The following POU6F2 variants were observed in gnomAD, a reference collection of about 807,000 sequenced individuals.
POU6F2 encodes the protein POU class 6 homeobox 2, also known as POU domain, class 6, transcription factor 2.
In POU6F2, 31 loss-of-function variants were observed where a neutral mutation model predicts 71.3. The ratio of observed to expected loss-of-function variants is 0.43; its 90% CI spans 0.33 to 0.59. The LOEUF is 0.59. Ranked by LOEUF, POU6F2 falls within the 20% of genes least tolerant of loss-of-function variation. The probability of loss-of-function intolerance (pLI) is 0.04; values close to 1 mark genes in which losing one functional copy is unlikely to be tolerated. For missense variants in POU6F2, 783 were observed against 856.8 expected (o/e 0.91, Z 1.07); for synonymous variants, 347 against 355.7 (o/e 0.98, Z 0.27).
intron 4 of POU6F2, among the ~76,000 whole-genome samples, chr7:39,229,804 T>A (rs1192374653): frequency 1.3e-5 from 2 of 152,210 alleles, no homozygotes; most frequent in African/African-American, 2.4e-5. Context: ...ATGTGTGTAA[T>A]CCTGGACATT....
At chr7:39,311,128 C>A (rs1464953881) in intron 4 of POU6F2, among the ~76,000 whole-genome samples, 1 of 151,940 alleles carries the variant, frequency 6.6e-6, no homozygotes, top group Non-Finnish European at 1.5e-5. Flanking sequence ...CTCACTCTTT[C>A]AGTCAAAGAA....
At chr7:38,989,695 T>C (rs1371391198) in intron 1 of POU6F2, among the ~76,000 whole-genome samples, 3 of 151,978 alleles carry the variant, frequency 2.0e-5, no homozygotes, top group Non-Finnish European at 4.4e-5. Context: ...TTAATGCATA[T>C]AGAGGTTATA....
At chr7:39,001,797 G>C (rs1024347592) in intron 1 of POU6F2, among the ~76,000 whole-genome samples, 7 of 152,052 alleles carry the variant, frequency 4.6e-5, no homozygotes, top group African/African-American at 1.7e-4. Flanking sequence ...ATGTAATGAT[G>C]ATGGTGATGG....
At chr7:39,444,899 G>A (rs555396238) in intron 7 of POU6F2, among the ~76,000 whole-genome samples, 69 of 152,204 alleles carry the variant, frequency 4.5e-4, no homozygotes, top group African/African-American at 1.5e-3. Flanking sequence ...GGACTTTTCA[G>A]TATCATTAAG....
At chr7:39,164,754 A>G (rs1299978457) in intron 2 of POU6F2, among the ~76,000 whole-genome samples, 1 of 151,900 alleles carries the variant, frequency 6.6e-6, no homozygotes, top group Admixed American at 6.6e-5. Context: ...TGAGAAGGAG[A>G]AGCTAAAGTC....
rs114728608 is a variant in POU6F2, at chr7:39,069,027, G to A, written c.106-16833G>A. 5.5e-3 allele frequency among the ~76,000 whole-genome samples: 831 copies of A among 152,260 alleles called. 2 individuals carry two copies. Among genetic ancestry groups the A allele is most frequent in the African/African-American group, 0.019 (777 of 41,528 alleles). On this transcript the variant is annotated intron_variant, in intron 1 of 9. Coordinates refer to ENST00000518318, the MANE Select transcript of POU6F2 (RefSeq NM_001370959.1). ...GGATCACACATAAAAATTGTGGAGA[G>A]TGGACCAAGCATCTGCCTTCTGTAC...
intron 1 of POU6F2, among the ~76,000 whole-genome samples, chr7:39,053,029 A>G (rs1236795161): frequency 6.6e-6 from 1 of 152,110 alleles, no homozygotes; most frequent in Non-Finnish European, 1.5e-5. Flanking sequence ...CCACAGATCT[A>G]CTGAATTAGA....
chr7:39,333,674 G>A (rs958877056), intron 4 of POU6F2, among the ~76,000 whole-genome samples: 1 of 152,158 alleles, frequency 6.6e-6, no homozygotes, highest in African/African-American at 2.4e-5. Flanking sequence ...GGAGGCAGAG[G>A]TTGCAGTGAG....
chr7:39,098,466 A>G lies in POU6F2; in HGVS notation c.277+12435A>G, dbSNP rs560718546. 1.4e-4 allele frequency among the ~76,000 whole-genome samples: 21 copies of G among 149,998 alleles called. 1 individual carries two copies. Among genetic ancestry groups the G allele is most frequent in the South Asian group, 1.3e-3 (6 of 4,690 alleles). On this transcript the variant is annotated intron_variant, in intron 2 of 9. Coordinates refer to ENST00000518318, the MANE Select transcript of POU6F2 (RefSeq NM_001370959.1). ...TTTTTTTTTTTTTAATTTGCAAGAG[A>G]GGGGGGGTCTCACTTTGTTGCTTAG...
At chr7:39,239,693 A>G (rs547431517) in intron 4 of POU6F2, among the ~76,000 whole-genome samples, 1 of 152,258 alleles carries the variant, frequency 6.6e-6, no homozygotes, top group East Asian at 1.9e-4. Flanking sequence ...TGCCTGTCTC[A>G]TGCAAAGCAC....
intron 1 of POU6F2, chr7:39,085,227 A>G (rs1421284657): frequency 6.6e-6 from 1 of 152,208 alleles, no homozygotes; most frequent in Non-Finnish European, 1.5e-5. Context: ...ATTTGGGGTC[A>G]GCTCCGGTTC....
chr7:39,251,548 T>C (rs752926349), intron 4 of POU6F2, among the ~76,000 whole-genome samples: 120 of 152,232 alleles, frequency 7.9e-4, no homozygotes, highest in Non-Finnish European at 1.6e-3. Context: ...CTTTATTTGA[T>C]GGCCCCTACC....
intron 4 of POU6F2, among the ~76,000 whole-genome samples, chr7:39,306,161 A>G (rs370935591): frequency 6.6e-6 from 1 of 152,214 alleles, no homozygotes; most frequent in Non-Finnish European, 1.5e-5. Context: ...AACACATTAA[A>G]TCAAGAACTG....
At chr7:39,041,901 T>C (rs972122470) in intron 1 of POU6F2, among the ~76,000 whole-genome samples, 1 of 151,972 alleles carries the variant, frequency 6.6e-6, no homozygotes, top group African/African-American at 2.4e-5. Context: ...TCTACTTCTT[T>C]ACTTTTCACC....
chr7:39,116,007 T>C (rs933738693), intron 2 of POU6F2, among the ~76,000 whole-genome samples: 1 of 152,180 alleles, frequency 6.6e-6, no homozygotes, highest in Non-Finnish European at 1.5e-5. Context: ...TACAGAGGAT[T>C]TGGGCAAAAC....
chr7:39,250,614 C>T (rs760556189), intron 4 of POU6F2, among the ~76,000 whole-genome samples: 7 of 152,082 alleles, frequency 4.6e-5, no homozygotes, highest in Admixed American at 2.6e-4. Flanking sequence ...CAAGATTTTG[C>T]CAGTGGAAAC....
At chr7:39,068,063 C>T (rs1044633771) in intron 1 of POU6F2, among the ~76,000 whole-genome samples, 1 of 152,052 alleles carries the variant, frequency 6.6e-6, no homozygotes, top group East Asian at 1.9e-4. Context: ...TTTTGTGTGA[C>T]TAATTGGACA....
chr7:39,016,354 T>G (rs1789548358), intron 1 of POU6F2, among the ~76,000 whole-genome samples: 1 of 151,376 alleles, frequency 6.6e-6, no homozygotes, highest in Non-Finnish European at 1.5e-5. Flanking sequence ...TAATTCCAAT[T>G]CATTGGTTTA....
chr7:39,148,428 A>G (rs1792666270), intron 2 of POU6F2, among the ~76,000 whole-genome samples: 1 of 152,208 alleles, frequency 6.6e-6, no homozygotes. Context: ...TGGCATAACC[A>G]TGTGCTTGTC....
Sources: gnomAD v4.1 joint callset for allele counts (sites outside exome capture counted in the v4.1 genomes callset) on GRCh38, gnomAD v4.1.1 for gene constraint, MANE v1.5 for transcripts, NCBI Gene and HGNC (gene_info 2026-07-23, HGNC 2026-07-21) for gene names.